LIPA: variants seen among roughly 807,000 people sequenced by gnomAD.
LIPA encodes the protein lipase A, lysosomal acid type.
A neutral mutation model predicts 40.6 loss-of-function variants in LIPA; 26 were observed. The observed-to-expected ratio is 0.64, with a 90% CI of 0.47 to 0.89. LIPA has a LOEUF of 0.89. Ranked by LOEUF, LIPA falls within the 40% of genes least tolerant of loss-of-function variation. The pLI is 0.00. For missense variants in LIPA, 455 were observed against 479.6 expected (o/e 0.95, Z 0.48); for synonymous variants, 188 against 168.4 (o/e 1.12, Z -0.90).
intron 1 of LIPA, among the ~76,000 whole-genome samples, chr10:89,296,096 G>C (rs1843413239): frequency 6.6e-6 from 1 of 152,276 alleles, no homozygotes; most frequent in South Asian, 2.1e-4. Flanking sequence ...TGAATACTGA[G>C]TTCAAAAAAT....
intron 3 of LIPA, among the ~76,000 whole-genome samples, chr10:89,234,135 A>T (rs1317127857): frequency 6.6e-6 from 1 of 152,254 alleles, no homozygotes; most frequent in African/African-American, 2.4e-5. Flanking sequence ...AGATGTTTCC[A>T]CAAAGGGTTC....
At position 89,332,093 on chromosome 10, in the gene LIPA, T is replaced by C. The variant is rs191924360; in HGVS notation, c.-2+10518A>G. 1.7e-3 allele frequency among the ~76,000 whole-genome samples: 258 copies of C among 152,200 alleles called. 1 individual carries two copies. Among genetic ancestry groups the C allele is most frequent in the Non-Finnish European group, 3.0e-3 (205 of 68,016 alleles). On this transcript the variant is annotated intron_variant, in intron 1 of 5. Transcript: ENST00000282673. The stretch of plus-strand genomic sequence containing the variant: ...TAAAAATACAAAAATTATCCAGGCA[T>C]GGTGGTGCACGTCTGTAATCCCAGC...
chr10:89,252,878 G>A (rs900461583), upstream of LIPA, among the ~76,000 whole-genome samples: 2 of 151,926 alleles, frequency 1.3e-5, no homozygotes, highest in Non-Finnish European at 2.9e-5. Context: ...CTTATGAAGT[G>A]ACACCTGAGC....
At chr10:89,399,811 G>T (rs879688460) in intron 2 of LIPA, among the ~76,000 whole-genome samples, 2 of 151,944 alleles carry the variant, frequency 1.3e-5, no homozygotes, top group African/African-American at 2.4e-5. Context: ...AAATAAAATC[G>T]TAAGAGTGAG....
At chr10:89,306,379 G>A (rs753729820) in intron 1 of LIPA, 3 of 1,614,176 alleles carry the variant, frequency 1.9e-6, no homozygotes, top group Admixed American at 3.3e-5. Context: ...TTGACTGTGA[G>A]GAAGGGTGGA....
At chr10:89,338,945 G>A in intron 1 of LIPA, 2 of 1,614,118 alleles carry the variant, frequency 1.2e-6, no homozygotes, top group Non-Finnish European at 1.7e-6. Flanking sequence ...CTAGTCACTT[G>A]GGGAAACTAC....
intron 1 of LIPA, among the ~76,000 whole-genome samples, chr10:89,314,921 T>C (rs548749596): frequency 3.7e-4 from 56 of 152,372 alleles, no homozygotes; most frequent in Non-Finnish European, 7.1e-4. Flanking sequence ...CTGATCTTTA[T>C]TGCTACAATC....
At chr10:89,304,744 GT>G (rs1459727673) in intron 1 of LIPA, among the ~76,000 whole-genome samples, 1 of 152,080 alleles carries the variant, frequency 6.6e-6, no homozygotes, top group Non-Finnish European at 1.5e-5. Context: ...TGTTCTCTGG[GT>G]TTTTTAGGGG....
intron 8 of LIPA, among the ~76,000 whole-genome samples, chr10:89,221,791 C>T (rs1842701797): frequency 6.6e-6 from 1 of 152,186 alleles, no homozygotes; most frequent in Non-Finnish European, 1.5e-5. Flanking sequence ...CTATTTCTAT[C>T]CATGTCTTTA....
At chr10:89,337,901 G>A (rs1020991459) in intron 1 of LIPA, among the ~76,000 whole-genome samples, 2 of 152,204 alleles carry the variant, frequency 1.3e-5, no homozygotes, top group East Asian at 1.9e-4. Context: ...TGGTACAAAA[G>A]TGATAATTCC....
At chr10:89,360,716 C>T (rs1844017024) in intron 2 of LIPA, among the ~76,000 whole-genome samples, 1 of 152,320 alleles carries the variant, frequency 6.6e-6, no homozygotes, top group Admixed American at 6.5e-5. Flanking sequence ...TGGGGATTCC[C>T]TAAGATCACA....
At chr10:89,266,645 G>T (rs1158395031) in intron 1 of LIPA, among the ~76,000 whole-genome samples, 1 of 152,142 alleles carries the variant, frequency 6.6e-6, no homozygotes, top group Non-Finnish European at 1.5e-5. Context: ...TCTGTACTTT[G>T]TGTTATCTTG....
At position 89,250,094 on chromosome 10, in the gene LIPA, T is replaced by TTTTC. The variant is rs1564767158; in HGVS notation, c.-2+1639_-2+1642dup. Among the ~76,000 whole-genome samples, 310 of 120,900 alleles carry TTTTC rather than the reference T, an allele frequency of 2.6e-3. 8 individuals are homozygous for TTTTC. The highest frequency in any genetic ancestry group is 0.011 in the African/African-American group (289 of 26,502). 79.3% of individuals were successfully genotyped at this position (120,900 alleles called of 152,430 possible). ...TTTTTCTTTTTTCTTTTTCTTTTTC[T>TTTTC]TTTCTTTTCTTTCTTTTTTTTTTTT... On this transcript the variant is annotated intron_variant, in intron 1 of 9. Coordinates refer to ENST00000336233, the MANE Select transcript of LIPA (RefSeq NM_000235.4).
At position 89,245,547 on chromosome 10, in the gene LIPA, A is replaced by G. The variant is rs1843012510; in HGVS notation, c.229+129T>C. The G allele has an allele frequency of 8.3e-6, 6 of 720,146 alleles. No individual in the cohort carries two copies. In the Admixed American group the frequency reaches 1.2e-4, roughly 14 times the overall value. 44.6% of individuals were successfully genotyped at this position (720,146 alleles called of 1,614,324 possible). A position where few individuals can be genotyped will look rare whatever the true frequency, so the allele number is the denominator to read the frequency against. On this transcript the variant is annotated intron_variant, in intron 3 of 9. Transcript: ENST00000336233. The stretch of plus-strand genomic sequence containing the variant: ...AAAATTATTTTTCTTTGCCTTGCAA[A>G]CCTCAACACAGTTAGTGCTTTCGTC...
intron 2 of LIPA, among the ~76,000 whole-genome samples, chr10:89,351,343 G>T (rs1411628367): frequency 6.6e-6 from 1 of 152,232 alleles, no homozygotes; most frequent in African/African-American, 2.4e-5. Context: ...GCACAGAATG[G>T]TTTTTTTCCT....
intron 1 of LIPA, chr10:89,306,158 G>C (rs532385968): frequency 6.2e-7 from 1 of 1,614,088 alleles, no homozygotes; most frequent in Non-Finnish European, 8.5e-7. Flanking sequence ...AGGGCAAAAC[G>C]AGGCAGCCCT....
chr10:89,295,701 G>T (rs1039469694), intron 1 of LIPA, among the ~76,000 whole-genome samples: 8 of 152,168 alleles, frequency 5.3e-5, no homozygotes, highest in African/African-American at 1.9e-4. Flanking sequence ...GAAATCTATT[G>T]TTCTAGGAAA....
chr10:89,219,592 G>T (rs560387804), intron 8 of LIPA, among the ~76,000 whole-genome samples: 1 of 152,146 alleles, frequency 6.6e-6, no homozygotes, highest in African/African-American at 2.4e-5. Context: ...GGCCTTTAAG[G>T]TCAACCCCAA....
chr10:89,250,068 TTTTTTCTTTTTTC>T (rs1446140262), intron 1 of LIPA, among the ~76,000 whole-genome samples: 2 of 128,984 alleles, frequency 1.6e-5, no homozygotes, highest in Non-Finnish European at 3.3e-5. Context: ...AATTCTTTTC[TTTTTTCTTTTTTC>T]TTTTTCTTTT....
Sources: gnomAD v4.1 joint callset for allele counts (sites outside exome capture counted in the v4.1 genomes callset) on GRCh38, gnomAD v4.1.1 for gene constraint, MANE v1.5 for transcripts, NCBI Gene and HGNC (gene_info 2026-07-23, HGNC 2026-07-21) for gene names.